BTN3A3: variants seen among roughly 807,000 people sequenced by gnomAD.
BTN3A3 encodes the protein butyrophilin 3.
Under a neutral mutation model 43.2 loss-of-function variants are expected in BTN3A3, and 39 were observed. That is an observed-to-expected ratio of 0.90 (90% CI 0.70 to 1.18). The LOEUF is 1.18. Among genes scored for constraint, BTN3A3 ranks in the 50% most tolerant of loss-of-function variants. The pLI, the probability that BTN3A3 is intolerant of heterozygous loss-of-function variation, is 0.00. For synonymous variants in BTN3A3, 255 were observed against 272.7 expected, an observed-to-expected ratio of 0.93 and a Z score of 0.64; for missense variants, 631 against 722.8, an observed-to-expected ratio of 0.87 and a Z score of 1.46.
chr6:26,445,266 C>CGTA, intron 4 of BTN3A3: 1 of 178,614 alleles, frequency 5.6e-6, no homozygotes. Context: ...AATCCCTTGC[C>CGTA]TCATGGCTTC....
intron 5 of BTN3A3, 100 bp from the exon 6 acceptor site, chr6:26,448,148 C>T: frequency 7.4e-7 from 1 of 1,354,794 alleles, no homozygotes; most frequent in Non-Finnish European, 1.0e-6. Flanking sequence ...GAGATGGATT[C>T]CATGCCCCCA....
At position 26,450,134 on chromosome 6, in the gene BTN3A3, G is replaced by T; in HGVS notation, c.1018+1G>T. 6.2e-7 allele frequency: 1 copy of T among 1,613,314 alleles called. No homozygotes were observed. The highest frequency in any genetic ancestry group is 8.5e-7 in the Non-Finnish European group (1 of 1,179,290). Reference sequence around the variant, plus strand: ...TGGAAAATGGCCCTCTTCAAACCTGGTGAGTAAATCACTGTATGTTCCCTG... The same window carrying T: ...TGGAAAATGGCCCTCTTCAAACCTGTTGAGTAAATCACTGTATGTTCCCTG... On this transcript the variant is annotated splice_donor_variant, in intron 10 of 10. Transcript: ENST00000244519. LOFTEE classifies it high-confidence loss of function.
rs561338773 is a variant in BTN3A3 at position 26,452,893 on chromosome 6, T to C, written c.*482T>C. ...ATTTTAAGTGCTTGTGGAGTTGACATCCCTATTGACTCTTTCCCAGCTGAT... is the reference window on the plus strand; with the variant it reads ...ATTTTAAGTGCTTGTGGAGTTGACACCCCTATTGACTCTTTCCCAGCTGAT... On this transcript the variant is annotated 3_prime_UTR_variant, in exon 11 of 11. Transcript: ENST00000244519. 98 of 163,000 alleles carry C rather than the reference T, an allele frequency of 6.0e-4. No homozygotes were observed. The highest frequency in any genetic ancestry group is 1.1e-3 in the Non-Finnish European group (79 of 73,692). 10.1% of individuals were successfully genotyped at this position (163,000 alleles called of 1,614,324 possible).
intron 9 of BTN3A3, 39 bp from the exon 10 acceptor site, chr6:26,450,068 A>C (rs962633452): frequency 6.2e-7 from 1 of 1,607,258 alleles, no homozygotes; most frequent in African/African-American, 1.3e-5. Flanking sequence ...AAGAACAAAA[A>C]TACTGACCTT....
chr6:26,451,823 C>A lies in BTN3A3; in HGVS notation c.1167C>A (p.Asn389Lys). The A allele has an allele frequency of 6.2e-7, 1 of 1,614,050 alleles. No homozygotes were observed. Among genetic ancestry groups the A allele is most frequent in the Non-Finnish European group, 8.5e-7 (1 of 1,179,910 alleles). ...GTTACTGTGTCCTTGGCTGTGAAAA[C>A]TTCACATCAGGGAGACATTACTGGG... ...EWRYCVLGCE[N>K]FTSGRHYWEV... The change falls in exon 11 of 11, where the codon AAC becomes AAA. Residue 389 changes from asparagine to lysine, a missense_variant. Physicochemically the swap from Asn to Lys is moderately conservative, Grantham distance 94. Coordinates refer to ENST00000244519, the MANE Select transcript of BTN3A3 (RefSeq NM_006994.5).
intron 2 of BTN3A3, 29 bp from the exon 3 acceptor site, chr6:26,443,541 C>T (rs779964799): frequency 6.2e-7 from 1 of 1,612,908 alleles, no homozygotes; most frequent in South Asian, 1.1e-5. Context: ...GTGTCTGTCC[C>T]ACACCTTCTG....
At chr6:26,449,639 C>T (rs111299790) in intron 8 of BTN3A3, 23 bp from the exon 9 acceptor site, 1 of 1,614,036 alleles carries the variant, frequency 6.2e-7, no homozygotes, top group African/African-American at 1.3e-5. Flanking sequence ...TCAGGTGACA[C>T]CTCTATCTTT....
rs752437608 is a variant in BTN3A3 at position 26,444,253 on chromosome 6, T to G, written c.382T>G (p.Phe128Val). The change falls in exon 4 of 11, where the codon TTC (phenylalanine) becomes GTC (valine). Residue 128 changes from phenylalanine (F) to valine (V), a missense_variant. Physicochemically the swap from Phe to Val is conservative, Grantham distance 50. Transcript: ENST00000244519. ...TGACAGTGGAAAGTACTTGTGTTAT[T>G]TCCAAGATGGTGACTTCTACGAAAA... ...ASDSGKYLCY[F>V]QDGDFYEKAL... is the part of the protein sequence containing the mutation. 1.9e-6 allele frequency: 3 copies of G among 1,612,084 alleles called. No homozygotes were observed. The highest frequency in any genetic ancestry group is 2.2e-5 in the South Asian group (2 of 90,994).
intron 8 of BTN3A3, 97 bp downstream of exon 8, chr6:26,448,851 G>GA: frequency 6.8e-7 from 1 of 1,477,850 alleles, no homozygotes; most frequent in Non-Finnish European, 9.4e-7. Context: ...GCCCAGGGTT[G>GA]AAAAATGGTC....
rs1227098702 is a variant in BTN3A3 at position 26,443,572 on chromosome 6, T to C, written c.-3T>C. 1.9e-6 allele frequency: 3 copies of C among 1,614,180 alleles called. No individual in the cohort carries two copies. Among genetic ancestry groups the C allele is most frequent in the Non-Finnish European group, 1.7e-6 (2 of 1,180,012 alleles). ...TTCTGGTATCTCTTGATATGCAGCA[T>C]AGATGAAAATGGCAAGTTCCCTGGC... On this transcript the variant is annotated splice_region_variant and 5_prime_UTR_variant, in exon 3 of 11. Transcript: ENST00000244519.
chr6:26,448,478 C>T, intron 6 of BTN3A3, 30 bp downstream of exon 6: 1 of 1,609,242 alleles, frequency 6.2e-7, no homozygotes, highest in Non-Finnish European at 8.5e-7. Context: ...AATCTAAGCC[C>T]CTGGCTTGCA....
intron 8 of BTN3A3, 47 bp from the exon 9 acceptor site, chr6:26,449,615 A>G: frequency 6.2e-7 from 1 of 1,611,290 alleles, no homozygotes; most frequent in Non-Finnish European, 8.5e-7. Context: ...GGGCCAACAG[A>G]GCAAAGGCAG....
Position 26,452,647 on chromosome 6 carries a change from A to C in BTN3A3, c.*236A>C. The C allele has an allele frequency of 4.1e-6, 2 of 485,064 alleles. No homozygotes were observed. Among genetic ancestry groups the C allele is most frequent in the Non-Finnish European group, 3.6e-6 (1 of 276,036 alleles). 30.0% of individuals were successfully genotyped at this position (485,064 alleles called of 1,614,324 possible). On this transcript the variant is annotated 3_prime_UTR_variant, in exon 11 of 11. Coordinates refer to ENST00000244519, the MANE Select transcript of BTN3A3 (RefSeq NM_006994.5). ...TGGATGTCACTCCTTTAATCCTCAC[A>C]ACACCCTGTCGGGTAGTCATATTTT...
At chr6:26,449,469 T>C (rs1762869635) in intron 8 of BTN3A3, 193 bp from the exon 9 acceptor site, 1 of 632,206 alleles carries the variant, frequency 1.6e-6, no homozygotes, top group East Asian at 2.7e-5. Flanking sequence ...GCCCTGCCAC[T>C]AGCATTCAAC....
rs140949337 is a variant in BTN3A3 at position 26,448,395 on chromosome 6, G to A, written c.863G>A (p.Arg288Gln). The change falls in exon 6 of 11, where the codon CGA (arginine) becomes CAA (glutamine). Residue 288 changes from arginine to glutamine, a missense_variant. Physicochemically the swap from Arg to Gln is conservative, Grantham distance 43 (BLOSUM62 1). Coordinates refer to ENST00000244519, the MANE Select transcript of BTN3A3 (RefSeq NM_006994.5). Reference protein sequence around the residue: ...IALSRETEREREMKEMGYAAT... With the variant: ...IALSRETEREQEMKEMGYAAT... ...CTGTCCAGGGAGACAGAAAGAGAGC[G>A]AGAGATGAAAGAAATGGGATACGCT... 3.2e-5 allele frequency: 52 copies of A among 1,613,894 alleles called. No homozygotes were observed. Among genetic ancestry groups the A allele is most frequent in the Middle Eastern group, 1.6e-4 (1 of 6,062 alleles).
At chr6:26,448,116 C>A in intron 5 of BTN3A3, 132 bp from the exon 6 acceptor site, 1 of 1,032,626 alleles carries the variant, frequency 9.7e-7, no homozygotes, top group Non-Finnish European at 1.4e-6. Context: ...ACTTTAGGGA[C>A]AGAACGCTTA....
In BTN3A3 at chr6:26,448,159, A is replaced by T. The variant is rs981788578; in HGVS notation, c.716-89A>T. ...TCATGAGATGGATTCCATGCCCCCA[A>T]CCTGGGCTGAGCAGCTAAAGCTTGG... On this transcript the variant is annotated intron_variant, in intron 5 of 10. Coordinates refer to ENST00000244519, the MANE Select transcript of BTN3A3 (RefSeq NM_006994.5). 3 of 1,455,344 alleles carry T rather than the reference A, an allele frequency of 2.1e-6. No homozygotes were observed. The African/African-American group carries it at 4.3e-5, about 21-fold the overall frequency. 90.2% of individuals were successfully genotyped at this position (1,455,344 alleles called of 1,614,324 possible).
chr6:26,448,562 C>A (rs1412833645), intron 6 of BTN3A3, 55 bp from the exon 7 acceptor site: 3 of 1,611,960 alleles, frequency 1.9e-6, no homozygotes, highest in Non-Finnish European at 2.5e-6. Flanking sequence ...TTTCCCAAAA[C>A]CCCCCTTACC....
At chr6:26,442,529 C>T (rs777579871) in intron 1 of BTN3A3, among the ~76,000 whole-genome samples, 11 of 151,906 alleles carry the variant, frequency 7.2e-5, no homozygotes, top group African/African-American at 1.2e-4. Context: ...GCTTTTTGAC[C>T]GCTTAGTGTA....
Sources: gnomAD v4.1 joint callset for allele counts (sites outside exome capture counted in the v4.1 genomes callset) on GRCh38, gnomAD v4.1.1 for gene constraint, MANE v1.5 for transcripts, NCBI Gene and HGNC (gene_info 2026-07-23, HGNC 2026-07-21) for gene names.